TUBGCP6: variants seen among roughly 807,000 people sequenced by gnomAD.
The protein encoded by TUBGCP6 is tubulin gamma complex component 6, also known as gamma-tubulin complex component 6.
Under a neutral mutation model 175.8 loss-of-function variants are expected in TUBGCP6, and 161 were observed. The observed-to-expected ratio is 0.92, with a 90% CI of 0.81 to 1.04. The LOEUF (loss-of-function observed/expected upper bound fraction) is 1.04, where lower values mean the gene tolerates loss of function less well. Ranked by LOEUF, TUBGCP6 falls within the 50% of genes least tolerant of loss-of-function variation. The probability of loss-of-function intolerance (pLI) is 0.00; values close to 1 mark genes in which losing one functional copy is unlikely to be tolerated. For synonymous variants in TUBGCP6, 1,173 were observed against 1,030.5 expected (o/e 1.14, Z -2.65); for missense variants, 2,572 against 2,433.0 (o/e 1.06, Z -1.20).
intron 2 of TUBGCP6, among the ~76,000 whole-genome samples, chr22:50,234,821 C>G (rs111569990): frequency 2.1e-5 from 3 of 144,470 alleles, no homozygotes; most frequent in Non-Finnish European, 3.0e-5. Flanking sequence ...TCCACACCCC[C>G]TGTCCACGAC....
In TUBGCP6 at chr22:50,240,231, T is replaced by C; in HGVS notation, c.878A>G (p.Lys293Arg). ...GCCAACTCGCTCCCAGCACCTCCGC[T>C]TGCTGGCCTCATAGGTAAGTGCGGC... ...WEAALTYEAS[K>R]RRCWERVGCP... The change falls in exon 2 of 25, where the codon AAG becomes AGG. Residue 293 changes from lysine to arginine, a missense_variant. By Grantham distance (26) the Lys-to-Arg change is conservative (BLOSUM62 2). Coordinates refer to ENST00000248846, the MANE Select transcript of TUBGCP6 (RefSeq NM_020461.4). 1 of 1,613,944 alleles carries C rather than the reference T, an allele frequency of 6.2e-7. No individual in the cohort carries two copies. The highest frequency in any genetic ancestry group is 8.5e-7 in the Non-Finnish European group (1 of 1,180,024).
Position 50,221,718 on chromosome 22 carries a change from GC to G in TUBGCP6, c.2640del (p.Leu881CysfsTer77). 6.6e-7 allele frequency: 1 copy of G among 1,515,802 alleles called. No individual in the cohort carries two copies. The highest frequency in any genetic ancestry group is 8.8e-7 in the Non-Finnish European group (1 of 1,133,468). 93.9% of individuals were successfully genotyped at this position (1,515,802 alleles called of 1,614,324 possible). On this transcript the variant is annotated frameshift_variant, in exon 16 of 25. Transcript: ENST00000248846. LOFTEE classifies it high-confidence loss of function. ...GGTCTGGCCCCCTCCGCCTGCTGCA[GC>G]CCCCTGCCACCAGCCCCCACTGCTA... ...KPLAVGAGGR[G>X]LQQAEGARPF... is the part of the protein sequence containing the mutation.
chr22:50,231,597 C>T (rs945603003), intron 3 of TUBGCP6, among the ~76,000 whole-genome samples: 5 of 152,276 alleles, frequency 3.3e-5, no homozygotes, highest in African/African-American at 1.2e-4. Flanking sequence ...CGATGGCTCA[C>T]GCCTGTAATC....
Position 50,218,008 on chromosome 22 carries a change from CA to C in TUBGCP6, c.5277del (p.Gly1761AlafsTer31). 1 of 1,612,356 alleles carries C rather than the reference CA, an allele frequency of 6.2e-7. No homozygotes were observed. Among genetic ancestry groups the C allele is most frequent in the Non-Finnish European group, 8.5e-7 (1 of 1,179,400 alleles). On this transcript the variant is annotated frameshift_variant, in exon 24 of 25. Transcript: ENST00000248846. LOFTEE classifies it high-confidence loss of function. ...SQLISQAWGP[P>X]GGPRGAEHPN... Reference sequence around the variant, plus strand: ...GGGTGCTCTGCACCCCGCGGGCCCCCAGGGGGCCCCCAGGCCTGGGAGATGA... The same window carrying C: ...GGGTGCTCTGCACCCCGCGGGCCCCCGGGGGCCCCCAGGCCTGGGAGATGA...
chr22:50,222,637 A>C (rs747726729), intron 13 of TUBGCP6, 45 bp from the exon 14 acceptor site: 2 of 1,596,440 alleles, frequency 1.3e-6, no homozygotes, highest in Non-Finnish European at 1.7e-6. Flanking sequence ...GAGTCACCCC[A>C]CCCCATCTAC....
Position 50,217,739 on chromosome 22 carries a change from G to A in TUBGCP6, c.5457C>T (p.Ala1819=). 1 of 1,613,978 alleles carries A rather than the reference G, an allele frequency of 6.2e-7. No individual in the cohort carries two copies. The highest frequency in any genetic ancestry group is 8.5e-7 in the Non-Finnish European group (1 of 1,179,966). The change falls in exon 25 of 25, where the codon GCC becomes GCT. Residue 1819 remains alanine, a synonymous_variant. Transcript: ENST00000248846. Reference sequence around the variant, plus strand: ...GCACGTCCCCCGCAGAGCAGCCTCAGGCGTCCTGGTAGTAGTTGTTGAAGT... The same window carrying A: ...GCACGTCCCCCGCAGAGCAGCCTCAAGCGTCCTGGTAGTAGTTGTTGAAGT... ...RINFNNYYQD[A] is the part of the protein sequence containing the mutation.
chr22:50,217,820 G>C lies in TUBGCP6; in HGVS notation c.5376C>G (p.Thr1792=), dbSNP rs1432953728. Residue 1792 remains threonine (T), a synonymous_variant, in exon 25 of 25, where the codon ACC becomes ACG. Coordinates refer to ENST00000248846, the MANE Select transcript of TUBGCP6 (RefSeq NM_020461.4). ...GCTGGTAGCCGCGGTTCACCAGCTTGGTCACCACTGGGGACCAGCGAGCAG... is the reference window on the plus strand; with the variant it reads ...GCTGGTAGCCGCGGTTCACCAGCTTCGTCACCACTGGGGACCAGCGAGCAG... The part of the protein sequence containing the change: ...YYSHFLFKVV[T]KLVNRGYQPH... 2 of 1,613,782 alleles carry C rather than the reference G, an allele frequency of 1.2e-6. No individual in the cohort carries two copies. The highest frequency in any genetic ancestry group is 1.7e-5 in the Admixed American group (1 of 59,988).
chr22:50,233,293 G>A, intron 3 of TUBGCP6, 23 bp downstream of exon 3: 1 of 1,597,284 alleles, frequency 6.3e-7, no homozygotes, highest in South Asian at 1.1e-5. Flanking sequence ...ACACCACTGT[G>A]GCGGGGAGTG....
rs756032721 is a variant in TUBGCP6 at position 50,217,972 on chromosome 22, G to A, written c.5314C>T (p.Leu1772Phe). ...PRGAEHPNFA[L>F]MQQSYNTFKY... Reference sequence around the variant, plus strand: ...AAGGTGTTGTAGGACTGCTGCATGAGTGCAAAGTTGGGGTGCTCTGCACCC... The same window carrying A: ...AAGGTGTTGTAGGACTGCTGCATGAATGCAAAGTTGGGGTGCTCTGCACCC... The change falls in exon 24 of 25, where the codon CTC becomes TTC. Residue 1772 changes from leucine to phenylalanine, a missense_variant. Coordinates refer to ENST00000248846, the MANE Select transcript of TUBGCP6 (RefSeq NM_020461.4). 2.4e-5 allele frequency: 39 copies of A among 1,610,798 alleles called. No homozygotes were observed. The highest frequency in any genetic ancestry group is 9.3e-6 in the Non-Finnish European group (11 of 1,179,028).
chr22:50,219,541 GA>G, intron 18 of TUBGCP6, 85 bp from the exon 19 acceptor site: 1 of 1,585,426 alleles, frequency 6.3e-7, no homozygotes, highest in South Asian at 1.1e-5. Flanking sequence ...CACGTGCTGG[GA>G]ACTGGCTAGC....
chr22:50,224,466 C>CA lies in TUBGCP6; in HGVS notation c.2065+44dup, dbSNP rs568177307. Reference sequence around the variant, plus strand: ...GCGCACTGTCACAAGGAGGCCCCAGCAAGGCCCCCCGGAACTGCAGAAGGG... The same window carrying CA: ...GCGCACTGTCACAAGGAGGCCCCAGCAAAGGCCCCCCGGAACTGCAGAAGGG... On this transcript the variant is annotated intron_variant, in intron 11 of 24. Coordinates refer to ENST00000248846, the MANE Select transcript of TUBGCP6 (RefSeq NM_020461.4). 294 of 1,614,166 alleles carry CA rather than the reference C, an allele frequency of 1.8e-4. No individual in the cohort carries two copies. The African/African-American group carries it at 3.7e-3, about 20-fold the overall frequency.
In TUBGCP6 at chr22:50,218,320, G is replaced by T; in HGVS notation, c.5037C>A (p.Val1679=). 1 of 1,613,106 alleles carries T rather than the reference G, an allele frequency of 6.2e-7. No homozygotes were observed. The highest frequency in any genetic ancestry group is 1.1e-5 in the South Asian group (1 of 91,084). Reference sequence around the variant, plus strand: ...TCTGGTTGGCGATGTAGCCCTGGATGACCTTCACGAAATGCTGCATCTCGT... The same window carrying T: ...TCTGGTTGGCGATGTAGCCCTGGATTACCTTCACGAAATGCTGCATCTCGT... ...FKHEMQHFVK[V]IQGYIANQIL... is the part of the protein sequence containing the mutation. The change falls in exon 23 of 25, where the codon GTC becomes GTA. Residue 1679 remains valine (V), a synonymous_variant. Transcript: ENST00000248846.
Position 50,240,156 on chromosome 22 carries a change from C to T in TUBGCP6, c.905+48G>A, listed in dbSNP as rs376753469. The stretch of plus-strand genomic sequence containing the variant: ...CACACACCCCATCCAAGGCCACGCT[C>T]ATGCAGGGGTAGGGGCACTGCATGC... On this transcript the variant is annotated intron_variant, in intron 2 of 24. Transcript: ENST00000248846. The T allele has an allele frequency of 7.5e-6, 12 of 1,610,302 alleles. No individual in the cohort carries two copies. The African/African-American group carries it at 1.6e-4, about 22-fold the overall frequency.
chr22:50,236,552 T>C (rs901090578), intron 2 of TUBGCP6, among the ~76,000 whole-genome samples: 2 of 152,166 alleles, frequency 1.3e-5, no homozygotes, highest in Admixed American at 6.5e-5. Context: ...AAACCACATG[T>C]ACTGGCACTA....
chr22:50,243,121 C>T (rs553449580), intron 1 of TUBGCP6, among the ~76,000 whole-genome samples: 1 of 152,090 alleles, frequency 6.6e-6, no homozygotes, highest in Non-Finnish European at 1.5e-5. Flanking sequence ...TGGAGACCAG[C>T]CTGGCCAACA....
intron 14 of TUBGCP6, 24 bp downstream of exon 14, chr22:50,222,430 T>A: frequency 6.2e-7 from 1 of 1,612,368 alleles, no homozygotes; most frequent in Non-Finnish European, 8.5e-7. Flanking sequence ...GGGGAAGAGC[T>A]GCCATCTGAA....
In TUBGCP6 at chr22:50,219,155, C is replaced by T. The variant is rs1324991199; in HGVS notation, c.4539G>A (p.Leu1513=). 1 of 1,612,870 alleles carries T rather than the reference C, an allele frequency of 6.2e-7. No individual in the cohort carries two copies. Among genetic ancestry groups the T allele is most frequent in the Non-Finnish European group, 8.5e-7 (1 of 1,179,996 alleles). The part of the protein sequence containing the change: ...AVDYFFVELH[L]EAHYEALRHF... ...GCCGCAGTGCCTCATAGTGCGCCTCCAGGTGCAGCTCCACGAAGAAGTAGT... is the reference window on the plus strand; with the variant it reads ...GCCGCAGTGCCTCATAGTGCGCCTCTAGGTGCAGCTCCACGAAGAAGTAGT... Residue 1513 remains leucine (L), a synonymous_variant, in exon 20 of 25, where the codon CTG becomes CTA. Coordinates refer to ENST00000248846, the MANE Select transcript of TUBGCP6 (RefSeq NM_020461.4).
chr22:50,222,546 G>A lies in TUBGCP6; in HGVS notation c.2317C>T (p.Arg773Cys), dbSNP rs200534217. ...CTCCACAGTGCCTTCTGCTCCCGAC[G>A]AGCTGCCTCTGCAGAGAGCTTGCTG... ...HYSKLSAEAARREQKALWRIQ... is the reference protein window; with the variant it reads ...HYSKLSAEAACREQKALWRIQ... Residue 773 changes from arginine to cysteine, a missense_variant, in exon 14 of 25, where the codon CGT (arginine) becomes TGT (cysteine). Physicochemically the swap from Arg to Cys is radical, Grantham distance 180 (BLOSUM62 -3). Transcript: ENST00000248846. 43 of 1,613,196 alleles carry A rather than the reference G, an allele frequency of 2.7e-5. No individual in the cohort carries two copies. Among genetic ancestry groups the A allele is most frequent in the Middle Eastern group, 3.3e-4 (2 of 5,978 alleles).
At position 50,221,391 on chromosome 22, in the gene TUBGCP6, C is replaced by T. The variant is rs1602510452; in HGVS notation, c.2968G>A (p.Gly990Arg). 1.2e-6 allele frequency: 2 copies of T among 1,608,034 alleles called. No homozygotes were observed. Among genetic ancestry groups the T allele is most frequent in the Non-Finnish European group, 1.7e-6 (2 of 1,179,414 alleles). ...GCGGAGCCACAGGCATCCATCTTCCCACAACTGTCCTCCCACAGCTGTAGC... is the reference window on the plus strand; with the variant it reads ...GCGGAGCCACAGGCATCCATCTTCCTACAACTGTCCTCCCACAGCTGTAGC... ...SGLQLWEDSC[G>R]KMDACGSASR... The change falls in exon 16 of 25, where the codon GGG (glycine) becomes AGG (arginine). Residue 990 changes from glycine to arginine, a missense_variant. Physicochemically the swap from Gly to Arg is moderately radical, Grantham distance 125. Coordinates refer to ENST00000248846, the MANE Select transcript of TUBGCP6 (RefSeq NM_020461.4).
Sources: allele counts gnomAD v4.1 joint callset (sites outside exome capture counted in the v4.1 genomes callset), GRCh38; gene constraint gnomAD v4.1.1; transcripts MANE v1.5; gene names NCBI Gene and HGNC (gene_info 2026-07-23, HGNC 2026-07-21).